DOK6: variants seen among roughly 807,000 people sequenced by gnomAD.
The protein encoded by DOK6 is docking protein 6.
In DOK6, 22 loss-of-function variants were observed where a neutral mutation model predicts 44.0. The observed-to-expected ratio is 0.50, with a 90% CI of 0.36 to 0.71. The LOEUF (loss-of-function observed/expected upper bound fraction) is 0.71. Ranked by LOEUF, DOK6 falls within the 30% of genes least tolerant of loss-of-function variation. DOK6 has a pLI of 0.00. For missense variants in DOK6, 340 were observed against 416.4 expected, an observed-to-expected ratio of 0.82 and a Z score of 1.60; for synonymous variants, 166 against 145.5, an observed-to-expected ratio of 1.14 and a Z score of -1.01.
At chr18:69,472,729 C>T (rs1196093016) in intron 1 of DOK6, among the ~76,000 whole-genome samples, 3 of 152,126 alleles carry the variant, frequency 2.0e-5, no homozygotes, top group African/African-American at 4.8e-5. Context: ...CACACATACA[C>T]GCACAGATAG....
chr18:69,616,271 G>C (rs933553890), intron 3 of DOK6, among the ~76,000 whole-genome samples: 1 of 152,118 alleles, frequency 6.6e-6, no homozygotes, highest in Non-Finnish European at 1.5e-5. Context: ...TACCACTCAT[G>C]ACTGTCTGCT....
At chr18:69,726,852 T>TA (rs35924499) in intron 5 of DOK6, among the ~76,000 whole-genome samples, 12,301 of 131,714 alleles carry the variant, frequency 0.093, 624 homozygotes, top group Admixed American at 0.17. Context: ...TGATCCTTTT[T>TA]AAAAAAAAAA....
chr18:69,626,364 T>C (rs1195284554), intron 3 of DOK6, among the ~76,000 whole-genome samples: 1 of 152,196 alleles, frequency 6.6e-6, no homozygotes, highest in Non-Finnish European at 1.5e-5. Context: ...TCACATTTGC[T>C]CCTGTTAATG....
At chr18:69,704,726 G>A (rs1483226477) in intron 5 of DOK6, among the ~76,000 whole-genome samples, 3 of 152,066 alleles carry the variant, frequency 2.0e-5, no homozygotes, top group Non-Finnish European at 4.4e-5. Flanking sequence ...TGATCCACTT[G>A]CCTCGGCCTC....
rs867882484 is a variant in DOK6 at position 69,715,055 on chromosome 18, G to A, written c.599+16462G>A. 8.1e-4 allele frequency among the ~76,000 whole-genome samples: 123 copies of A among 152,244 alleles called. 1 individual carries two copies. Among genetic ancestry groups the A allele is most frequent in the African/African-American group, 2.8e-3 (118 of 41,532 alleles). Reference sequence around the variant, plus strand: ...AAAAATCCTTTATATATGACTAAATGTGGCACTATTACGTTATACATGTCT... The same window carrying A: ...AAAAATCCTTTATATATGACTAAATATGGCACTATTACGTTATACATGTCT... On this transcript the variant is annotated intron_variant, in intron 5 of 7. Transcript: ENST00000382713.
intron 1 of DOK6, among the ~76,000 whole-genome samples, chr18:69,446,675 A>G (rs182429490): frequency 1.5e-4 from 23 of 152,314 alleles, no homozygotes; most frequent in Non-Finnish European, 2.8e-4. Flanking sequence ...TCCCACCAAC[A>G]GTGTCAAAGT....
At chr18:69,525,859 C>T (rs192498293) in intron 1 of DOK6, among the ~76,000 whole-genome samples, 32 of 152,134 alleles carry the variant, frequency 2.1e-4, no homozygotes, top group Non-Finnish European at 2.5e-4. Context: ...CATTTAAAAA[C>T]GCTACAACTT....
chr18:69,833,222 A>C (rs1178359657), intron 7 of DOK6, among the ~76,000 whole-genome samples: 2 of 152,154 alleles, frequency 1.3e-5, no homozygotes, highest in Admixed American at 1.3e-4. Context: ...GAAACACAGA[A>C]CAATGGAAAG....
chr18:69,561,954 A>G (rs1222834115), intron 1 of DOK6, among the ~76,000 whole-genome samples: 2 of 152,188 alleles, frequency 1.3e-5, no homozygotes, highest in Non-Finnish European at 1.5e-5. Context: ...AATTTAAATG[A>G]AGACATAGAA....
intron 1 of DOK6, among the ~76,000 whole-genome samples, chr18:69,561,403 T>C (rs1479609442): frequency 6.6e-6 from 1 of 152,198 alleles, no homozygotes; most frequent in Non-Finnish European, 1.5e-5. Flanking sequence ...TCTACAGCAC[T>C]AAATAAATCT....
chr18:69,677,279 A>G (rs1193633925), intron 3 of DOK6, among the ~76,000 whole-genome samples: 1 of 151,320 alleles, frequency 6.6e-6, no homozygotes, highest in Non-Finnish European at 1.5e-5. Context: ...TATTTACTTA[A>G]TTTACATTGA....
At chr18:69,839,235 C>T (rs577453421) in intron 7 of DOK6, among the ~76,000 whole-genome samples, 18 of 150,948 alleles carry the variant, frequency 1.2e-4, no homozygotes, top group Admixed American at 3.3e-4. Context: ...CCTAACTCAT[C>T]CCCTAGTCCC....
At chr18:69,525,577 T>A (rs1379510302) in intron 1 of DOK6, among the ~76,000 whole-genome samples, 1 of 152,040 alleles carries the variant, frequency 6.6e-6, no homozygotes, top group Non-Finnish European at 1.5e-5. Context: ...TTGCCTTGGT[T>A]GAGATATGTA....
chr18:69,590,668 G>T (rs892026316), intron 2 of DOK6, among the ~76,000 whole-genome samples: 2 of 152,104 alleles, frequency 1.3e-5, no homozygotes, highest in African/African-American at 4.8e-5. Flanking sequence ...TCCTTGAAGG[G>T]CATGATTAAA....
chr18:69,762,659 A>C (rs529979628), intron 7 of DOK6, among the ~76,000 whole-genome samples: 44 of 152,370 alleles, frequency 2.9e-4, no homozygotes, highest in African/African-American at 1.0e-3. Context: ...TTTAAAGTTT[A>C]AGAGATTAAG....
At position 69,617,092 on chromosome 18, in the gene DOK6, T is replaced by TA. The variant is rs34064614; in HGVS notation, c.289+17604dup. 4.6e-3 allele frequency among the ~76,000 whole-genome samples: 692 copies of TA among 150,758 alleles called. 3 individuals are homozygous for TA. Among genetic ancestry groups the TA allele is most frequent in the African/African-American group, 0.012 (502 of 41,198 alleles). On this transcript the variant is annotated intron_variant, in intron 3 of 7. Transcript: ENST00000382713. ...GTCCCTTGTATATCCATATATTTGT[T>TA]AAAAAAAAAATTCACTACAAACAGA...
At position 69,497,964 on chromosome 18, in the gene DOK6, T is replaced by A. The variant is rs1032851294; in HGVS notation, c.67-66523T>A. ...ATGATTGCACCACTGTACTCCAGCA[T>A]GGGCAACAGAGCTAGACCTTGTCTC... On this transcript the variant is annotated intron_variant, in intron 1 of 7. Transcript: ENST00000382713. Among the ~76,000 whole-genome samples, 3 of 151,328 alleles carry A rather than the reference T, an allele frequency of 2.0e-5. No homozygotes were observed. In the Admixed American group the frequency reaches 2.0e-4, roughly 10 times the overall value.
At chr18:69,760,533 C>G (rs1371436774) in intron 7 of DOK6, among the ~76,000 whole-genome samples, 1 of 152,100 alleles carries the variant, frequency 6.6e-6, no homozygotes, top group African/African-American at 2.4e-5. Context: ...GAAAGTTCAC[C>G]TTGGGAGAAA....
chr18:69,737,974 G>A (rs1393359242), intron 5 of DOK6, among the ~76,000 whole-genome samples: 1 of 152,156 alleles, frequency 6.6e-6, no homozygotes, highest in Non-Finnish European at 1.5e-5. Context: ...AACAAAGAAA[G>A]CTCATTTGTT....
Sources: gnomAD v4.1 joint callset for allele counts (sites outside exome capture counted in the v4.1 genomes callset) on GRCh38, gnomAD v4.1.1 for gene constraint, MANE v1.5 for transcripts, NCBI Gene and HGNC (gene_info 2026-07-23, HGNC 2026-07-21) for gene names.